Variants in PDZRN3 observed in about 807,000 individuals in gnomAD.
PDZRN3 encodes the protein PDZ domain containing ring finger 3, also known as E3 ubiquitin-protein ligase PDZRN3.
Under a neutral mutation model 85.7 loss-of-function variants are expected in PDZRN3, and 38 were observed. The ratio of observed to expected loss-of-function variants is 0.44; its 90% CI spans 0.34 to 0.58. The LOEUF is 0.58. PDZRN3 is among the 20% of genes least tolerant of loss of function. The probability of loss-of-function intolerance (pLI) is 0.01; values close to 1 mark genes in which losing one functional copy is unlikely to be tolerated. For missense variants in PDZRN3, 1,629 were observed against 1,506.4 expected, an observed-to-expected ratio of 1.08 and a Z score of -1.35; for synonymous variants, 759 against 638.0, an observed-to-expected ratio of 1.19 and a Z score of -2.86.
intron 3 of PDZRN3, among the ~76,000 whole-genome samples, chr3:73,579,949 T>C (rs1270457675): frequency 6.6e-6 from 1 of 152,122 alleles, no homozygotes; most frequent in Non-Finnish European, 1.5e-5. Context: ...GCAGCAATGA[T>C]TCCCGATGAA....
chr3:73,582,048 C>T (rs946530982), intron 3 of PDZRN3, among the ~76,000 whole-genome samples: 2 of 151,784 alleles, frequency 1.3e-5, no homozygotes, highest in Admixed American at 6.6e-5. Flanking sequence ...TGCACTGAAC[C>T]GAGATCACAC....
intron 3 of PDZRN3, among the ~76,000 whole-genome samples, chr3:73,426,327 G>C (rs150256063): frequency 6.6e-6 from 1 of 151,600 alleles, no homozygotes; most frequent in East Asian, 1.9e-4. Flanking sequence ...CTGAATACTG[G>C]TGCCAATGAT....
intron 3 of PDZRN3, among the ~76,000 whole-genome samples, chr3:73,596,278 T>C (rs1200336445): frequency 6.6e-6 from 1 of 152,144 alleles, no homozygotes; most frequent in Admixed American, 6.5e-5. Context: ...CTACTTCTTA[T>C]AGCGGAAAGT....
At chr3:73,443,708 G>C (rs1385840012) in intron 3 of PDZRN3, among the ~76,000 whole-genome samples, 1 of 151,636 alleles carries the variant, frequency 6.6e-6, no homozygotes, top group Admixed American at 6.6e-5. Flanking sequence ...TGCTCAGGCT[G>C]GTCTTGAACT....
At chr3:73,400,539 C>T (rs1701727694) in intron 5 of PDZRN3, among the ~76,000 whole-genome samples, 1 of 152,298 alleles carries the variant, frequency 6.6e-6, no homozygotes. Flanking sequence ...GTAATTTATC[C>T]ACCTACTCTT....
At chr3:73,499,476 A>T (rs890567755) in intron 3 of PDZRN3, among the ~76,000 whole-genome samples, 3 of 151,966 alleles carry the variant, frequency 2.0e-5, no homozygotes, top group Admixed American at 6.6e-5. Context: ...CCTTACACCA[A>T]CTCACCACCT....
At chr3:73,414,242 C>T (rs1288995947) in intron 3 of PDZRN3, among the ~76,000 whole-genome samples, 2 of 152,148 alleles carry the variant, frequency 1.3e-5, no homozygotes, top group African/African-American at 4.8e-5. Context: ...ATGTCCTATA[C>T]TTTATTTGTT....
intron 3 of PDZRN3, among the ~76,000 whole-genome samples, chr3:73,569,739 C>T (rs780261608): frequency 1.2e-4 from 18 of 152,184 alleles, no homozygotes; most frequent in Non-Finnish European, 2.6e-4. Flanking sequence ...AAGGTCCAGG[C>T]GCTGGGCTGG....
chr3:73,427,161 A>T (rs1435813184), intron 3 of PDZRN3, among the ~76,000 whole-genome samples: 3 of 152,242 alleles, frequency 2.0e-5, no homozygotes, highest in Admixed American at 6.5e-5. Context: ...ATGAACAAGT[A>T]GGCAAACAGG....
At chr3:73,499,243 G>C (rs904532376) in intron 3 of PDZRN3, among the ~76,000 whole-genome samples, 2 of 152,186 alleles carry the variant, frequency 1.3e-5, no homozygotes, top group African/African-American at 4.8e-5. Context: ...CATCAGTGAA[G>C]ACCGGCGAGT....
At chr3:73,545,742 C>T (rs1701407198) in intron 3 of PDZRN3, among the ~76,000 whole-genome samples, 1 of 152,170 alleles carries the variant, frequency 6.6e-6, no homozygotes, top group African/African-American at 2.4e-5. Context: ...AACTTCTTGA[C>T]CACAGCAATT....
At chr3:73,392,732 A>G (rs1234160368) in intron 5 of PDZRN3, among the ~76,000 whole-genome samples, 1 of 152,180 alleles carries the variant, frequency 6.6e-6, no homozygotes, top group Admixed American at 6.5e-5. Flanking sequence ...GAACACCAAT[A>G]TGTTAATTAA....
intron 3 of PDZRN3, among the ~76,000 whole-genome samples, chr3:73,405,735 T>A (rs757084818): frequency 1.3e-5 from 2 of 152,244 alleles, no homozygotes; most frequent in Non-Finnish European, 2.9e-5. Flanking sequence ...AAATGAACAC[T>A]GAACCACAGC....
intron 3 of PDZRN3, among the ~76,000 whole-genome samples, chr3:73,424,541 CAAAAAAAAAAAA>C (rs34550639): frequency 1.8e-5 from 1 of 54,238 alleles, no homozygotes; most frequent in Non-Finnish European, 3.2e-5. Flanking sequence ...GACTCCATCT[CAAAAAAAAAAAA>C]AAAAAAAAAA....
chr3:73,526,934 C>A (rs184779694), intron 3 of PDZRN3, among the ~76,000 whole-genome samples: 2 of 152,090 alleles, frequency 1.3e-5, no homozygotes, highest in Non-Finnish European at 2.9e-5. Context: ...CTGCAACCTC[C>A]GCCTCCTGGG....
chr3:73,413,827 T>G (rs895535834), intron 3 of PDZRN3, among the ~76,000 whole-genome samples: 5 of 152,146 alleles, frequency 3.3e-5, no homozygotes, highest in Non-Finnish European at 5.9e-5. Flanking sequence ...ACGTTCATGG[T>G]GCATGCCATG....
intron 3 of PDZRN3, among the ~76,000 whole-genome samples, chr3:73,574,530 C>A (rs1702092550): frequency 6.6e-6 from 1 of 151,966 alleles, no homozygotes; most frequent in South Asian, 2.1e-4. Flanking sequence ...GCAACCTCAG[C>A]TCACTGCAAC....
At position 73,557,354 on chromosome 3, in the gene PDZRN3, A is replaced by G. The variant is rs528784148; in HGVS notation, c.918+45000T>C. Among the ~76,000 whole-genome samples, 49 of 152,358 alleles carry G rather than the reference A, an allele frequency of 3.2e-4. No homozygotes were observed. In the South Asian group the frequency reaches 0.01, roughly 32 times the overall value. On this transcript the variant is annotated intron_variant, in intron 3 of 9. Coordinates refer to ENST00000263666, the MANE Select transcript of PDZRN3 (RefSeq NM_015009.3). ...CATATTAGAGACAACAGCTGCTTCAAGTTAATAAAATCTGAAATATCTTCG... is the reference window on the plus strand; with the variant it reads ...CATATTAGAGACAACAGCTGCTTCAGGTTAATAAAATCTGAAATATCTTCG...
chr3:73,568,693 A>ATGTG (rs1701993031), intron 3 of PDZRN3, among the ~76,000 whole-genome samples: 2 of 152,232 alleles, frequency 1.3e-5, no homozygotes, highest in Non-Finnish European at 2.9e-5. Flanking sequence ...TTGCTGGCCA[A>ATGTG]CAACCAAACT....
Sources: gnomAD v4.1 joint callset for allele counts (sites outside exome capture counted in the v4.1 genomes callset) on GRCh38, gnomAD v4.1.1 for gene constraint, MANE v1.5 for transcripts, NCBI Gene and HGNC (gene_info 2026-07-23, HGNC 2026-07-21) for gene names.